The following OPCML variants were observed in gnomAD, a reference collection of about 807,000 sequenced individuals.
OPCML encodes the protein opioid-binding protein/cell adhesion molecule.
OPCML carries 13 observed loss-of-function variants against 37.8 expected under a neutral mutation model. The ratio of observed to expected loss-of-function variants is 0.34; its 90% confidence interval spans 0.22 to 0.55. The LOEUF is 0.55. Ranked by LOEUF, OPCML falls within the 20% of genes least tolerant of loss-of-function variation. OPCML has a pLI of 0.91. For synonymous variants in OPCML, 176 were observed against 168.8 expected (o/e 1.04, Z -0.33); for missense variants, 341 against 435.6 (o/e 0.78, Z 1.93).
intron 4 of OPCML, among the ~76,000 whole-genome samples, chr11:132,439,617 T>C (rs188618689): frequency 2.0e-5 from 3 of 152,148 alleles, no homozygotes; most frequent in African/African-American, 4.8e-5. Context: ...AAAGAAAAAT[T>C]AGTTGATCAA....
At chr11:133,245,403 C>G (rs887220812) in intron 1 of OPCML, among the ~76,000 whole-genome samples, 1 of 152,120 alleles carries the variant, frequency 6.6e-6, no homozygotes, top group African/African-American at 2.4e-5. Context: ...TATCGCAAAC[C>G]AACTGGCAGT....
chr11:132,662,359 T>C (rs1942010970), intron 2 of OPCML, among the ~76,000 whole-genome samples: 1 of 151,994 alleles, frequency 6.6e-6, no homozygotes, highest in Admixed American at 6.5e-5. Context: ...ATCAATTGGC[T>C]TTAACTTTTT....
At chr11:132,720,583 A>G (rs1944643098) in intron 2 of OPCML, among the ~76,000 whole-genome samples, 1 of 152,206 alleles carries the variant, frequency 6.6e-6, no homozygotes, top group African/African-American at 2.4e-5. Flanking sequence ...TAGCTTTCAA[A>G]ACCTCATCAG....
At chr11:132,837,173 G>A (rs1941056439) in intron 2 of OPCML, among the ~76,000 whole-genome samples, 1 of 152,068 alleles carries the variant, frequency 6.6e-6, no homozygotes, top group African/African-American at 2.4e-5. Context: ...AATTAGCTGG[G>A]AGTGGTGGTG....
intron 1 of OPCML, among the ~76,000 whole-genome samples, chr11:133,228,131 C>T (rs753317083): frequency 5.9e-5 from 9 of 152,242 alleles, no homozygotes; most frequent in Non-Finnish European, 1.3e-4. Flanking sequence ...ATAATTGCGG[C>T]CAGAGACTGC....
In OPCML at chr11:132,953,849, A is replaced by AT. The variant is rs1322868341; in HGVS notation, c.62-10840dup. The stretch of plus-strand genomic sequence containing the variant: ...TCCTTGGTTGCATGGGAAAAACAAC[A>AT]TTTTTTTATTTAAAGAACGAGCAAA... On this transcript the variant is annotated intron_variant, in intron 1 of 7. Transcript: ENST00000524381. Among the ~76,000 whole-genome samples the AT allele has an allele frequency of 3.9e-5, 6 of 152,070 alleles. No homozygotes were observed. The South Asian group carries it at 6.2e-4, about 16-fold the overall frequency.
intron 3 of OPCML, among the ~76,000 whole-genome samples, chr11:132,614,743 G>A (rs1010066944): frequency 3.3e-5 from 5 of 152,150 alleles, no homozygotes; most frequent in African/African-American, 1.2e-4. Flanking sequence ...GATGGGATAG[G>A]CATTTCCCAA....
intron 3 of OPCML, among the ~76,000 whole-genome samples, chr11:132,596,600 T>C (rs1591602045): frequency 6.6e-6 from 1 of 152,166 alleles, no homozygotes; most frequent in African/African-American, 2.4e-5. Context: ...TGTGTTTGTG[T>C]GAAACAGTTT....
At chr11:132,853,886 C>T (rs1941928182) in intron 2 of OPCML, among the ~76,000 whole-genome samples, 1 of 152,136 alleles carries the variant, frequency 6.6e-6, no homozygotes, top group Non-Finnish European at 1.5e-5. Flanking sequence ...CCCCACTCAC[C>T]AAGCAATTCT....
intron 3 of OPCML, among the ~76,000 whole-genome samples, chr11:132,566,870 T>G (rs1697341053): frequency 6.6e-6 from 1 of 151,660 alleles, no homozygotes; most frequent in African/African-American, 2.4e-5. Context: ...TGATGAAGGA[T>G]ATTGGATGAA....
intron 1 of OPCML, among the ~76,000 whole-genome samples, chr11:133,429,548 C>T (rs759755971): frequency 6.6e-6 from 1 of 152,062 alleles, no homozygotes; most frequent in Non-Finnish European, 1.5e-5. Flanking sequence ...ATTGGGAAGA[C>T]CAGTGGAAGG....
At chr11:132,778,927 T>C (rs2136144173) in intron 2 of OPCML, among the ~76,000 whole-genome samples, 1 of 151,394 alleles carries the variant, frequency 6.6e-6, no homozygotes, top group African/African-American at 2.4e-5. Flanking sequence ...GATATACGAT[T>C]AATAACACTG....
At chr11:132,480,396 G>T (rs567886191) in intron 4 of OPCML, among the ~76,000 whole-genome samples, 2 of 152,308 alleles carry the variant, frequency 1.3e-5, no homozygotes, top group East Asian at 3.9e-4. Context: ...CGTCTGATTG[G>T]TGTACCTGAA....
intron 1 of OPCML, among the ~76,000 whole-genome samples, chr11:133,249,788 G>A (rs73598479): frequency 0.058 from 8,803 of 152,320 alleles, 267 homozygotes; most frequent in Middle Eastern, 0.078. Context: ...ACTCTAGAAT[G>A]TCACAGCACT....
At chr11:132,744,884 G>A (rs1352560063) in intron 2 of OPCML, among the ~76,000 whole-genome samples, 2 of 151,450 alleles carry the variant, frequency 1.3e-5, no homozygotes, top group Admixed American at 1.3e-4. Flanking sequence ...ACATTCACGA[G>A]CAAGCTCGAG....
chr11:132,882,740 T>C lies in OPCML; in HGVS notation c.146+60186A>G, dbSNP rs577810184. On this transcript the variant is annotated intron_variant, in intron 2 of 7. Coordinates refer to ENST00000524381, the MANE Select transcript of OPCML (RefSeq NM_001012393.5). ...TAACATAAGAGAGGTGTGTGAAAAA[T>C]GTGATGAATGCACAGAAAACCAAAT... Among the ~76,000 whole-genome samples the C allele has an allele frequency of 7.0e-4, 106 of 152,228 alleles. 1 individual carries two copies. The highest frequency in any genetic ancestry group is 2.5e-3 in the African/African-American group (103 of 41,534).
intron 1 of OPCML, among the ~76,000 whole-genome samples, chr11:133,245,311 A>AAGTTCTTTAC: frequency 1.3e-5 from 2 of 152,348 alleles, no homozygotes; most frequent in East Asian, 3.9e-4. Flanking sequence ...AGGAACTGAA[A>AAGTTCTTTAC]AGTTCTTTAC....
chr11:133,298,612 G>A (rs1198525871), intron 1 of OPCML: 1 of 152,114 alleles, frequency 6.6e-6, no homozygotes, highest in Non-Finnish European at 1.5e-5. Flanking sequence ...TCAGAGAAAT[G>A]TCATTCCACA....
At chr11:132,547,431 C>T (rs1193451032) in intron 3 of OPCML, among the ~76,000 whole-genome samples, 1 of 152,056 alleles carries the variant, frequency 6.6e-6, no homozygotes, top group Non-Finnish European at 1.5e-5. Flanking sequence ...GTTGGTGGAG[C>T]TTTAGGCAAG....
Sources: allele counts gnomAD v4.1 joint callset (sites outside exome capture counted in the v4.1 genomes callset), GRCh38; gene constraint gnomAD v4.1.1; transcripts MANE v1.5; gene names NCBI Gene and HGNC (gene_info 2026-07-23, HGNC 2026-07-21).